The following EPHX1 variants were observed in gnomAD, a reference collection of about 807,000 sequenced individuals.
EPHX1 encodes the protein epoxide hydratase.
Under a neutral mutation model 43.2 loss-of-function variants are expected in EPHX1, and 40 were observed. The observed-to-expected ratio is 0.93, with a 90% CI of 0.72 to 1.21. The LOEUF (loss-of-function observed/expected upper bound fraction) is 1.21. Among genes scored for constraint, EPHX1 ranks in the 50% most tolerant of loss-of-function variants. The pLI is 0.00. For missense variants in EPHX1, 550 were observed against 570.4 expected (o/e 0.96, Z 0.36); for synonymous variants, 221 against 226.7 (o/e 0.98, Z 0.22).
chr1:225,832,449 T>C (rs1343606463), intron 3 of EPHX1, among the ~76,000 whole-genome samples: 4 of 152,198 alleles, frequency 2.6e-5, no homozygotes, highest in Non-Finnish European at 5.9e-5. Flanking sequence ...AGCAGAGAAT[T>C]GCTTGAAGCC....
intron 3 of EPHX1, among the ~76,000 whole-genome samples, chr1:225,836,893 C>T (rs1667998614): frequency 6.6e-6 from 1 of 152,156 alleles, no homozygotes; most frequent in African/African-American, 2.4e-5. Context: ...GTGTTGGACA[C>T]TTACAATCTG....
intron 1 of EPHX1, chr1:225,810,429 A>C (rs1359760646): frequency 6.7e-6 from 1 of 149,840 alleles, no homozygotes; most frequent in Non-Finnish European, 1.5e-5. Context: ...CGCGTCCCAG[A>C]CTGTGGGCGG....
At position 225,845,316 on chromosome 1, in the gene EPHX1, G is replaced by A. The variant is rs765780845; in HGVS notation, c.1337G>A (p.Arg446His). ...EEPELLAQDIRKFLSVLERQ is the reference protein window; with the variant it reads ...EEPELLAQDIHKFLSVLERQ The stretch of plus-strand genomic sequence containing the variant: ...CCGGAGCTGCTCGCCCAGGACATCC[G>A]CAAGTTCCTGTCGGTGCTGGAGCGG... Residue 446 changes from arginine (R) to histidine (H), a missense_variant, in exon 9 of 9, where the codon CGC (arginine) becomes CAC (histidine). By Grantham distance (29) the Arg-to-His change is conservative. Coordinates refer to ENST00000272167, the MANE Select transcript of EPHX1 (RefSeq NM_001136018.4). The A allele has an allele frequency of 5.6e-6, 9 of 1,611,752 alleles. No homozygotes were observed. The highest frequency in any genetic ancestry group is 3.3e-5 in the South Asian group (3 of 90,980).
intron 3 of EPHX1, among the ~76,000 whole-genome samples, chr1:225,835,002 A>G (rs1559022797): frequency 2.6e-5 from 4 of 152,200 alleles, no homozygotes; most frequent in Admixed American, 2.0e-4. Context: ...TGGGAGCTTC[A>G]TGAGCCCCAC....
intron 4 of EPHX1, 138 bp from the exon 5 acceptor site, chr1:225,839,079 T>A: frequency 1.4e-6 from 2 of 1,453,032 alleles, no homozygotes; most frequent in Non-Finnish European, 9.4e-7. Context: ...GGCTCCAGGA[T>A]TCCTTCTTGC....
In EPHX1 at chr1:225,815,272, G is replaced by A. The variant is rs113519327; in HGVS notation, c.-6+5103G>A. ...TTGTCTTGTTTTTTTTTGAGACAGGGTCTGGCTCTGTTGTCCAGGCTGGAG... is the reference window on the plus strand; with the variant it reads ...TTGTCTTGTTTTTTTTTGAGACAGGATCTGGCTCTGTTGTCCAGGCTGGAG... On this transcript the variant is annotated intron_variant, in intron 1 of 8. Coordinates refer to ENST00000272167, the MANE Select transcript of EPHX1 (RefSeq NM_001136018.4). Among the ~76,000 whole-genome samples, 3 of 136,974 alleles carry A rather than the reference G, an allele frequency of 2.2e-5. 1 individual carries two copies. Among genetic ancestry groups the A allele is most frequent in the Admixed American group, 1.5e-4 (2 of 13,390 alleles). The allele number at this position is 136,974 out of a possible 152,430, so 89.9% of individuals were successfully genotyped here.
chr1:225,845,341 G>C lies in EPHX1; in HGVS notation c.1362G>C (p.Arg454=). Residue 454 remains arginine, a synonymous_variant, in exon 9 of 9, where the codon CGG becomes CGC. Transcript: ENST00000272167. ...DIRKFLSVLE[R]Q The stretch of plus-strand genomic sequence containing the variant: ...GCAAGTTCCTGTCGGTGCTGGAGCG[G>C]CAATGACCCACCCCTCTCCCCCCGC... 1 of 1,608,534 alleles carries C rather than the reference G, an allele frequency of 6.2e-7. No homozygotes were observed. The highest frequency in any genetic ancestry group is 8.5e-7 in the Non-Finnish European group (1 of 1,179,318).
chr1:225,844,450 C>A (rs1668738937), intron 7 of EPHX1, 48 bp from the exon 8 acceptor site: 1 of 1,603,860 alleles, frequency 6.2e-7, no homozygotes, highest in South Asian at 1.1e-5. Flanking sequence ...CTTTGTCACA[C>A]AACTGCATGT....
chr1:225,838,954 T>G, intron 4 of EPHX1, 73 bp downstream of exon 4: 1 of 1,536,894 alleles, frequency 6.5e-7, no homozygotes, highest in Non-Finnish European at 9.0e-7. Flanking sequence ...CACCAGGCTC[T>G]CCTTCCGGCG....
intron 1 of EPHX1, among the ~76,000 whole-genome samples, chr1:225,813,374 G>T (rs993874777): frequency 2.0e-5 from 3 of 152,174 alleles, no homozygotes; most frequent in African/African-American, 4.8e-5. Flanking sequence ...GTCTCCAAGG[G>T]GCTGTGGGAT....
chr1:225,822,437 G>A (rs1307042804), intron 1 of EPHX1, among the ~76,000 whole-genome samples: 3 of 152,080 alleles, frequency 2.0e-5, no homozygotes, highest in Admixed American at 6.6e-5. Flanking sequence ...ACAAAAACTC[G>A]AATCAGATAA....
intron 1 of EPHX1, among the ~76,000 whole-genome samples, chr1:225,814,949 C>T (rs1666650011): frequency 6.6e-6 from 1 of 152,228 alleles, no homozygotes; most frequent in Non-Finnish European, 1.5e-5. Context: ...ATGGGTATAT[C>T]CTGCAGTGAT....
At chr1:225,838,953 C>G in intron 4 of EPHX1, 72 bp downstream of exon 4, 1 of 1,542,702 alleles carries the variant, frequency 6.5e-7, no homozygotes, top group Non-Finnish European at 8.9e-7. Context: ...CCACCAGGCT[C>G]TCCTTCCGGC....
intron 3 of EPHX1, 98 bp downstream of exon 3, chr1:225,832,057 G>A: frequency 7.3e-7 from 1 of 1,361,728 alleles, no homozygotes; most frequent in Non-Finnish European, 1.0e-6. Flanking sequence ...GAGAGATTCA[G>A]AACCCAATTA....
In EPHX1 at chr1:225,817,186, C is replaced by A. The variant is rs1157968690; in HGVS notation, c.-6+7017C>A. 6.6e-6 allele frequency among the ~76,000 whole-genome samples: 1 copy of A among 152,200 alleles called. No individual in the cohort carries two copies. Among genetic ancestry groups the A allele is most frequent in the Non-Finnish European group, 1.5e-5 (1 of 68,018 alleles). ...ATCCGGCCTCTTCCATCCTGAGTCTCCAGGGGTCCCTGGGGTTCAGGGACA... is the reference window on the plus strand; with the variant it reads ...ATCCGGCCTCTTCCATCCTGAGTCTACAGGGGTCCCTGGGGTTCAGGGACA... On this transcript the variant is annotated intron_variant, in intron 1 of 8. Transcript: ENST00000272167. The surrounding 1 kb of genome is among the most constrained non-coding windows in gnomAD (Gnocchi z 5.7).
chr1:225,839,742 C>G, intron 5 of EPHX1, 87 bp from the exon 6 acceptor site: 5 of 1,401,892 alleles, frequency 3.6e-6, no homozygotes, highest in Non-Finnish European at 5.0e-6. Flanking sequence ...GCTCCTCAGC[C>G]CTGAGGCCTG....
intron 1 of EPHX1, among the ~76,000 whole-genome samples, chr1:225,818,213 T>C (rs1217931139): frequency 6.6e-6 from 1 of 152,198 alleles, no homozygotes; most frequent in Non-Finnish European, 1.5e-5. Flanking sequence ...TCTGATTAAT[T>C]TTCTATGCTC....
intron 2 of EPHX1, 85 bp downstream of exon 2, chr1:225,828,997 GA>G (rs1295433164): frequency 6.8e-7 from 1 of 1,460,946 alleles, no homozygotes; most frequent in Admixed American, 2.0e-5. Flanking sequence ...CCAGATGCGG[GA>G]GGGGACGGGG....
intron 3 of EPHX1, among the ~76,000 whole-genome samples, chr1:225,835,034 G>C (rs1009862604): frequency 5.3e-5 from 8 of 152,174 alleles, no homozygotes; most frequent in Non-Finnish European, 1.2e-4. Context: ...GAATGTGAGG[G>C]AAGGCTTCCT....
Sources: allele counts gnomAD v4.1 joint callset (sites outside exome capture counted in the v4.1 genomes callset), GRCh38; gene constraint gnomAD v4.1.1; non-coding constraint Gnocchi (gnomAD v3.1); transcripts MANE v1.5; gene names NCBI Gene and HGNC (gene_info 2026-07-23, HGNC 2026-07-21).